The following HSPA12A variants were observed in gnomAD, a reference collection of about 807,000 sequenced individuals.
The protein encoded by HSPA12A is heat shock protein family A (Hsp70) member 12A.
Under a neutral mutation model 69.2 loss-of-function variants are expected in HSPA12A, and 28 were observed. The observed-to-expected ratio is 0.40, with a 90% CI of 0.30 to 0.55. The LOEUF (loss-of-function observed/expected upper bound fraction) is 0.55. Among genes scored for constraint, HSPA12A ranks in the 20% least tolerant of loss-of-function variants. HSPA12A has a pLI of 0.38. For synonymous variants in HSPA12A, 345 were observed against 370.5 expected (o/e 0.93, Z 0.79); for missense variants, 686 against 900.7 (o/e 0.76, Z 3.05).
intron 2 of HSPA12A, among the ~76,000 whole-genome samples, chr10:116,797,554 G>A (rs1431962926): frequency 6.6e-6 from 1 of 152,228 alleles, no homozygotes; most frequent in Non-Finnish European, 1.5e-5. Flanking sequence ...GCTGGAATGT[G>A]AACCCACGTC....
At chr10:116,713,105 CTT>C (rs1243809052) in intron 1 of HSPA12A, among the ~76,000 whole-genome samples, 1 of 147,340 alleles carries the variant, frequency 6.8e-6, no homozygotes, top group Non-Finnish European at 1.5e-5. Flanking sequence ...ACCTCTCTCT[CTT>C]TCTCTCCTTA....
At chr10:116,711,085 G>A (rs1554883020) in intron 1 of HSPA12A, among the ~76,000 whole-genome samples, 1 of 152,176 alleles carries the variant, frequency 6.6e-6, no homozygotes, top group African/African-American at 2.4e-5. Context: ...GGAGAGAATT[G>A]ATGTATGGAA....
intron 5 of HSPA12A, among the ~76,000 whole-genome samples, chr10:116,697,798 T>A (rs2420327): frequency 6.6e-6 from 1 of 151,602 alleles, no homozygotes; most frequent in African/African-American, 2.4e-5. Flanking sequence ...TCATCACTCC[T>A]CAAAGAAACT....
intron 1 of HSPA12A, among the ~76,000 whole-genome samples, chr10:116,840,561 T>C (rs928221359): frequency 2.0e-5 from 3 of 152,190 alleles, no homozygotes; most frequent in Admixed American, 6.5e-5. Context: ...GCAACCAAAG[T>C]TCAGGTCAGG....
In HSPA12A at chr10:116,750,412, G is replaced by T. The variant is rs1429067043; in HGVS notation, c.92-43127C>A. ...TTGAAGGGAGCACAGATGGAGGCTT[G>T]TCTACCCCTCATGGTACCCAATGAT... On this transcript the variant is annotated intron_variant, in intron 2 of 12. Coordinates refer to the HSPA12A transcript ENST00000635765. The T allele has an allele frequency of 5.9e-6, 4 of 677,470 alleles. No homozygotes were observed. In the Admixed American group the frequency reaches 7.4e-5, roughly 12 times the overall value. The allele number at this position is 677,470 out of a possible 1,614,324, so 42.0% of individuals were successfully genotyped here.
intron 8 of HSPA12A, among the ~76,000 whole-genome samples, chr10:116,681,463 G>A (rs1849399864): frequency 6.6e-6 from 1 of 152,244 alleles, no homozygotes; most frequent in African/African-American, 2.4e-5. Flanking sequence ...GGACGATGGA[G>A]AACCCAGGTG....
chr10:116,675,426 G>A lies in HSPA12A; in HGVS notation c.1391-8C>T. 2 of 1,568,422 alleles carry A rather than the reference G, an allele frequency of 1.3e-6. No individual in the cohort carries two copies. Among genetic ancestry groups the A allele is most frequent in the South Asian group, 1.2e-5 (1 of 83,906 alleles). ...GCTTCTGAAACAGGTCCCCTGGAAG[G>A]GAAGAGGCAGGGAGAATGTCCTGTC... On this transcript the variant is annotated splice_polypyrimidine_tract_variant and splice_region_variant and intron_variant, in intron 11 of 11. Coordinates refer to ENST00000369209, the MANE Select transcript of HSPA12A (RefSeq NM_025015.3). The surrounding 1 kb of genome is among the most constrained non-coding windows in gnomAD (Gnocchi z 5.2).
intron 6 of HSPA12A, among the ~76,000 whole-genome samples, chr10:116,689,130 C>T (rs1293622786): frequency 6.6e-6 from 1 of 152,132 alleles, no homozygotes; most frequent in African/African-American, 2.4e-5. Context: ...CCTGCCCCAG[C>T]AGAGGCTCCA....
intron 2 of HSPA12A, among the ~76,000 whole-genome samples, chr10:116,751,679 T>C (rs1851779436): frequency 6.6e-6 from 1 of 152,228 alleles, no homozygotes; most frequent in African/African-American, 2.4e-5. Context: ...TGACACGGTT[T>C]GGATGTTTGT....
At chr10:116,800,984 A>T (rs944156016) in intron 2 of HSPA12A, among the ~76,000 whole-genome samples, 6 of 152,216 alleles carry the variant, frequency 3.9e-5, no homozygotes, top group African/African-American at 1.4e-4. Context: ...GTCCGCCTGC[A>T]ATTTGCTCTG....
At chr10:116,786,155 C>T (rs1161844678) in intron 2 of HSPA12A, among the ~76,000 whole-genome samples, 1 of 152,224 alleles carries the variant, frequency 6.6e-6, no homozygotes, top group Non-Finnish European at 1.5e-5. Flanking sequence ...GCAGAAGAGA[C>T]TCTCAGCAAA....
upstream of HSPA12A, among the ~76,000 whole-genome samples, chr10:116,744,263 C>A (rs1554887627): frequency 6.6e-6 from 1 of 152,242 alleles, no homozygotes; most frequent in Non-Finnish European, 1.5e-5. Context: ...ATTTCACCAC[C>A]ACCAGCAACC....
At chr10:116,844,729 G>C (rs956191890) in intron 1 of HSPA12A, among the ~76,000 whole-genome samples, 34 of 152,294 alleles carry the variant, frequency 2.2e-4, no homozygotes, top group African/African-American at 7.9e-4. Context: ...GAGATGTCAA[G>C]TGTGGGAAAG....
intron 4 of HSPA12A, among the ~76,000 whole-genome samples, chr10:116,699,186 G>A (rs1374773051): frequency 1.3e-5 from 2 of 152,132 alleles, no homozygotes; most frequent in African/African-American, 2.4e-5. Context: ...CTAAACAGAC[G>A]AAGCTTTCAT....
intron 2 of HSPA12A, among the ~76,000 whole-genome samples, chr10:116,827,831 G>T (rs1312066709): frequency 6.6e-6 from 1 of 152,178 alleles, no homozygotes; most frequent in East Asian, 1.9e-4. Flanking sequence ...CCCCACTCAT[G>T]TTCCCAAGAC....
At position 116,674,847 on chromosome 10, in the gene HSPA12A, T is replaced by G. The variant is rs782004882; in HGVS notation, c.1962A>C (p.Lys654Asn). The change falls in exon 12 of 12, where the codon AAA (lysine) becomes AAC (asparagine). Residue 654 changes from lysine (K) to asparagine (N), a missense_variant. Transcript: ENST00000369209. Reference protein sequence around the residue: ...TLMQFGDTEIKATAIDIATSK... With the variant: ...TLMQFGDTEINATAIDIATSK... ...AAGTGGCTATATCAATGGCTGTGGCTTTGATCTCGGTGTCCCCGAACTGCA... is the reference window on the plus strand; with the variant it reads ...AAGTGGCTATATCAATGGCTGTGGCGTTGATCTCGGTGTCCCCGAACTGCA... The G allele has an allele frequency of 6.2e-7, 1 of 1,613,696 alleles. No individual in the cohort carries two copies. The highest frequency in any genetic ancestry group is 2.2e-5 in the East Asian group (1 of 44,860).
intron 2 of HSPA12A, among the ~76,000 whole-genome samples, chr10:116,806,646 G>A (rs578262490): frequency 6.6e-6 from 1 of 152,154 alleles, no homozygotes; most frequent in African/African-American, 2.4e-5. Context: ...CCTACTGAAG[G>A]ATCAGTATCT....
At chr10:116,750,361 T>A (rs1851747091) in intron 2 of HSPA12A, 6 of 733,894 alleles carry the variant, frequency 8.2e-6, no homozygotes, top group Non-Finnish European at 1.5e-5. Context: ...CCAAAACTAC[T>A]TCTGGCAATA....
intron 2 of HSPA12A, among the ~76,000 whole-genome samples, chr10:116,761,993 T>G (rs1843983000): frequency 2.0e-5 from 3 of 152,272 alleles, no homozygotes; most frequent in Non-Finnish European, 2.9e-5. Context: ...AGTCTTTGAA[T>G]GCAACATTGT....
Sources: allele counts gnomAD v4.1 joint callset (sites outside exome capture counted in the v4.1 genomes callset), GRCh38; gene constraint gnomAD v4.1.1; non-coding constraint Gnocchi (gnomAD v3.1); transcripts MANE v1.5; gene names NCBI Gene and HGNC (gene_info 2026-07-23, HGNC 2026-07-21).